CSMD1: variants seen among roughly 807,000 people sequenced by gnomAD.
The protein encoded by CSMD1 is CUB and Sushi multiple domains 1.
A neutral mutation model predicts 417.5 loss-of-function variants in CSMD1; 213 were observed. The observed-to-expected ratio is 0.51, with a 90% CI of 0.46 to 0.57. The LOEUF (loss-of-function observed/expected upper bound fraction) is 0.57. Ranked by LOEUF, CSMD1 falls within the 20% of genes least tolerant of loss-of-function variation. The pLI is 0.00. For missense variants in CSMD1, 6,923 were observed against 4,529.7 expected, an observed-to-expected ratio of 1.53 and a Z score of -15.17; for synonymous variants, 2,862 against 1,736.8, an observed-to-expected ratio of 1.65 and a Z score of -16.11.
At chr8:4,787,892 T>G (rs117932897) in intron 1 of CSMD1, 4 of 1,581,162 alleles carry the variant, frequency 2.5e-6, no homozygotes, top group African/African-American at 2.7e-5. Flanking sequence ...AAGATTGAAT[T>G]TGGTGTTGAT....
intron 3 of CSMD1, among the ~76,000 whole-genome samples, chr8:4,229,407 C>G (rs577734581): frequency 1.3e-5 from 2 of 152,348 alleles, no homozygotes; most frequent in South Asian, 4.1e-4. Flanking sequence ...CAAGCTAGAT[C>G]ATACCTACCA....
At chr8:4,314,030 T>C (rs924370793) in intron 3 of CSMD1, among the ~76,000 whole-genome samples, 1 of 150,576 alleles carries the variant, frequency 6.6e-6, no homozygotes, top group African/African-American at 2.4e-5. Flanking sequence ...ATAATAATAA[T>C]AATAATGATA....
At chr8:3,512,884 C>G (rs1797136028) in intron 10 of CSMD1, among the ~76,000 whole-genome samples, 1 of 152,084 alleles carries the variant, frequency 6.6e-6, no homozygotes, top group African/African-American at 2.4e-5. Flanking sequence ...GTGTGAGCCA[C>G]TGCACTTGGT....
At chr8:4,825,031 T>C (rs1413002269) in intron 1 of CSMD1, among the ~76,000 whole-genome samples, 1 of 152,092 alleles carries the variant, frequency 6.6e-6, no homozygotes, top group Non-Finnish European at 1.5e-5. Flanking sequence ...TAGGTTTTTA[T>C]CCTTTTTGAA....
intron 12 of CSMD1, among the ~76,000 whole-genome samples, chr8:3,456,778 C>T (rs1436891435): frequency 2.0e-5 from 3 of 152,062 alleles, no homozygotes; most frequent in Admixed American, 6.6e-5. Context: ...ATGACCCATC[C>T]CCATTGCCCA....
intron 5 of CSMD1, among the ~76,000 whole-genome samples, chr8:3,822,289 T>TG (rs1419674889): frequency 4.6e-5 from 7 of 152,172 alleles, no homozygotes; most frequent in African/African-American, 1.7e-4. Context: ...TGTAAGAGCT[T>TG]GTGTCTAGGG....
intron 49 of CSMD1, among the ~76,000 whole-genome samples, chr8:3,055,038 T>G (rs1812122533): frequency 6.6e-6 from 1 of 152,162 alleles, no homozygotes; most frequent in Non-Finnish European, 1.5e-5. Flanking sequence ...AAGCCTTAAT[T>G]TTTCTCCCAC....
intron 1 of CSMD1, among the ~76,000 whole-genome samples, chr8:4,922,831 A>T (rs948999341): frequency 1.3e-5 from 2 of 152,216 alleles, no homozygotes; most frequent in African/African-American, 4.8e-5. Context: ...GACTTGAGGA[A>T]TTCCTTTACC....
At chr8:4,178,884 C>G (rs1037073451) in intron 3 of CSMD1, among the ~76,000 whole-genome samples, 1 of 152,082 alleles carries the variant, frequency 6.6e-6, no homozygotes, top group African/African-American at 2.4e-5. Flanking sequence ...TGAGAAGGAC[C>G]TCTTCAAGGA....
At chr8:4,532,210 G>A (rs1796856439) in intron 2 of CSMD1, among the ~76,000 whole-genome samples, 1 of 139,948 alleles carries the variant, frequency 7.1e-6, no homozygotes, top group African/African-American at 2.8e-5. Context: ...GAGAAATCCT[G>A]CACCCCCATT....
At chr8:3,089,136 AC>A (rs1401345279) in intron 48 of CSMD1, among the ~76,000 whole-genome samples, 1 of 152,134 alleles carries the variant, frequency 6.6e-6, no homozygotes, top group Non-Finnish European at 1.5e-5. Context: ...TGCCAGCCCA[AC>A]TCCTGCTGCA....
intron 22 of CSMD1, among the ~76,000 whole-genome samples, chr8:3,346,322 T>G (rs965451426): frequency 6.6e-6 from 1 of 152,244 alleles, no homozygotes; most frequent in African/African-American, 2.4e-5. Flanking sequence ...ATGCAGTATC[T>G]CTAATCATTC....
intron 2 of CSMD1, among the ~76,000 whole-genome samples, chr8:4,600,402 T>C (rs781740562): frequency 6.6e-6 from 1 of 152,158 alleles, no homozygotes; most frequent in Non-Finnish European, 1.5e-5. Context: ...TATGAAAGCA[T>C]AGCTACAGAT....
intron 3 of CSMD1, among the ~76,000 whole-genome samples, chr8:4,188,356 C>T (rs1268549628): frequency 6.6e-6 from 1 of 152,144 alleles, no homozygotes; most frequent in African/African-American, 2.4e-5. Context: ...AACCGAGGTG[C>T]CTTCATTCAT....
intron 23 of CSMD1, among the ~76,000 whole-genome samples, chr8:3,338,874 G>C (rs906352863): frequency 3.2e-4 from 46 of 145,208 alleles, no homozygotes; most frequent in African/African-American, 1.1e-3. Context: ...TAGGGTACAT[G>C]TGCACATTGT....
chr8:4,038,187 T>A (rs923138218), intron 3 of CSMD1, among the ~76,000 whole-genome samples: 4 of 152,172 alleles, frequency 2.6e-5, no homozygotes, highest in African/African-American at 7.2e-5. Context: ...GGGATTTTTA[T>A]CTTCAACAAA....
At chr8:4,560,187 C>T (rs776300847) in intron 2 of CSMD1, among the ~76,000 whole-genome samples, 1 of 152,208 alleles carries the variant, frequency 6.6e-6, no homozygotes, top group African/African-American at 2.4e-5. Context: ...TTCTCAGTTC[C>T]ATGCTGCAAG....
At position 3,455,868 on chromosome 8, in the gene CSMD1, G is replaced by C. The variant is rs534796562; in HGVS notation, c.1561+12844C>G. 3.3e-5 allele frequency among the ~76,000 whole-genome samples: 5 copies of C among 152,324 alleles called. No individual in the cohort carries two copies. The South Asian group carries it at 1.0e-3, about 32-fold the overall frequency. On this transcript the variant is annotated intron_variant, in intron 12 of 69. Coordinates refer to ENST00000635120, the MANE Select transcript of CSMD1 (RefSeq NM_033225.6). ...GACAGGGACATTTAAGTCTGCAGAG[G>C]TTTCTGCTGTCTTTTGTTTGGCTAT...
chr8:3,313,586 G>A (rs1294349192), intron 23 of CSMD1, among the ~76,000 whole-genome samples: 1 of 152,186 alleles, frequency 6.6e-6, no homozygotes, highest in African/African-American at 2.4e-5. Flanking sequence ...GAGTTAGAAT[G>A]GCAAGCAATC....
Sources: allele counts gnomAD v4.1 joint callset (sites outside exome capture counted in the v4.1 genomes callset), GRCh38; gene constraint gnomAD v4.1.1; transcripts MANE v1.5; gene names NCBI Gene and HGNC (gene_info 2026-07-23, HGNC 2026-07-21).